The following CACNA2D1 variants were observed in gnomAD, a reference collection of about 807,000 sequenced individuals.
CACNA2D1 encodes the protein voltage-dependent calcium channel subunit alpha-2/delta-1.
Under a neutral mutation model 171.5 loss-of-function variants are expected in CACNA2D1, and 53 were observed. That is an observed-to-expected ratio of 0.31 (90% CI 0.25 to 0.39). The LOEUF (loss-of-function observed/expected upper bound fraction) is 0.39, where lower values mean the gene tolerates loss of function less well. Among genes scored for constraint, CACNA2D1 ranks in the 10% least tolerant of loss-of-function variants. The probability of loss-of-function intolerance (pLI) is 1.00; values close to 1 mark genes in which losing one functional copy is unlikely to be tolerated. For synonymous variants in CACNA2D1, 442 were observed against 443.1 expected, an observed-to-expected ratio of 1.00 and a Z score of 0.03; for missense variants, 903 against 1,299.8, an observed-to-expected ratio of 0.69 and a Z score of 4.69.
chr7:82,149,475 G>T (rs1423097694), intron 4 of CACNA2D1, among the ~76,000 whole-genome samples: 2 of 151,988 alleles, frequency 1.3e-5, no homozygotes, highest in East Asian at 1.9e-4. Flanking sequence ...CCCTGGGGAG[G>T]CTATATAGAA....
chr7:82,398,926 T>C (rs1248313189), intron 1 of CACNA2D1, among the ~76,000 whole-genome samples: 2 of 151,848 alleles, frequency 1.3e-5, no homozygotes, highest in African/African-American at 2.4e-5. Context: ...TTTCCTTCCT[T>C]CCATCCTTCT....
intron 21 of CACNA2D1, among the ~76,000 whole-genome samples, chr7:81,987,907 G>A (rs1290624487): frequency 3.3e-5 from 5 of 152,146 alleles, no homozygotes; most frequent in Non-Finnish European, 7.4e-5. Context: ...TAAACTTGAT[G>A]ATGAAAATGG....
intron 3 of CACNA2D1, among the ~76,000 whole-genome samples, chr7:82,330,730 G>A (rs2129443668): frequency 6.6e-6 from 1 of 152,180 alleles, no homozygotes; most frequent in Non-Finnish European, 1.5e-5. Context: ...ATCATCGAAT[G>A]CTTATTCAGC....
At chr7:82,367,512 A>G (rs1821877347) in intron 1 of CACNA2D1, among the ~76,000 whole-genome samples, 1 of 151,932 alleles carries the variant, frequency 6.6e-6, no homozygotes, top group African/African-American at 2.4e-5. Flanking sequence ...TCAGGTTCCT[A>G]TTGTTTCTTC....
At chr7:82,312,580 G>T (rs1457289668) in intron 3 of CACNA2D1, among the ~76,000 whole-genome samples, 1 of 147,482 alleles carries the variant, frequency 6.8e-6, no homozygotes, top group Non-Finnish European at 1.5e-5. Context: ...GCAGTGGCAC[G>T]ATCTCAGCTA....
chr7:82,097,192 G>A (rs1811992228), intron 6 of CACNA2D1, among the ~76,000 whole-genome samples: 1 of 152,144 alleles, frequency 6.6e-6, no homozygotes, highest in African/African-American at 2.4e-5. Context: ...GTTCAAAACA[G>A]CTGAATGGAT....
intron 5 of CACNA2D1, among the ~76,000 whole-genome samples, chr7:82,124,599 C>A (rs1269632128): frequency 6.6e-6 from 1 of 152,096 alleles, no homozygotes; most frequent in African/African-American, 2.4e-5. Flanking sequence ...ACCAAGTAAG[C>A]AACATGAAAC....
chr7:82,119,216 T>C (rs951166398), intron 5 of CACNA2D1, among the ~76,000 whole-genome samples: 2 of 152,158 alleles, frequency 1.3e-5, no homozygotes, highest in Non-Finnish European at 2.9e-5. Context: ...CTTTTCAAAA[T>C]ATATCTTCTG....
chr7:82,118,653 T>C (rs1326275847), intron 5 of CACNA2D1, among the ~76,000 whole-genome samples: 1 of 152,102 alleles, frequency 6.6e-6, no homozygotes. Flanking sequence ...AAATTACTTC[T>C]GTTTCCTCTG....
intron 3 of CACNA2D1, among the ~76,000 whole-genome samples, chr7:82,284,063 T>A (rs1348954660): frequency 1.3e-5 from 2 of 151,774 alleles, no homozygotes; most frequent in Non-Finnish European, 2.9e-5. Context: ...GGTGTAGTGG[T>A]GTGCACCTGT....
chr7:81,991,208 T>C lies in CACNA2D1; in HGVS notation c.1773A>G (p.Thr591=). 6.5e-7 allele frequency: 1 copy of C among 1,532,616 alleles called. No homozygotes were observed. The highest frequency in any genetic ancestry group is 1.7e-5 in the Admixed American group (1 of 59,892). 94.9% of individuals were successfully genotyped at this position (1,532,616 alleles called of 1,614,324 possible). The change falls in exon 21 of 39, where the codon ACA becomes ACG. Residue 591 remains threonine (T), a synonymous_variant. Transcript: ENST00000356860. The part of the protein sequence containing the change: ...IDKGNRTYTW[T]PVNGTDYSLA... ...ACCTGTAATCTGTGCCATTGACAGGTGTCCATGTGTATGTCCTGTTTCCTT... is the reference window on the plus strand; with the variant it reads ...ACCTGTAATCTGTGCCATTGACAGGCGTCCATGTGTATGTCCTGTTTCCTT...
At chr7:82,127,738 T>G (rs937638620) in intron 5 of CACNA2D1, among the ~76,000 whole-genome samples, 11 of 152,304 alleles carry the variant, frequency 7.2e-5, no homozygotes, top group East Asian at 5.8e-4. Context: ...AGGAATTGTA[T>G]GGTATCATGA....
chr7:82,172,616 C>CTTTTT (rs55737158), intron 3 of CACNA2D1, among the ~76,000 whole-genome samples: 3 of 64,508 alleles, frequency 4.7e-5, no homozygotes, highest in African/African-American at 7.5e-5. Flanking sequence ...AGAAACCCGG[C>CTTTTT]TTTTTTTTTT....
At chr7:81,998,127 T>C (rs867396723) in intron 18 of CACNA2D1, among the ~76,000 whole-genome samples, 3 of 152,122 alleles carry the variant, frequency 2.0e-5, no homozygotes, top group Middle Eastern at 3.4e-3. Flanking sequence ...ATAAACAAAA[T>C]ACAGTCAATT....
chr7:82,079,715 C>T (rs918495826), intron 7 of CACNA2D1, among the ~76,000 whole-genome samples: 6 of 148,548 alleles, frequency 4.0e-5, no homozygotes, highest in East Asian at 3.9e-4. Flanking sequence ...AAAAAGTTGA[C>T]GTCATAGAAC....
At chr7:82,120,904 C>T (rs922110915) in intron 5 of CACNA2D1, among the ~76,000 whole-genome samples, 1 of 143,736 alleles carries the variant, frequency 7.0e-6, no homozygotes, top group Middle Eastern at 3.3e-3. Context: ...AATGTTTAAA[C>T]ATTACTTTAA....
At chr7:82,393,075 A>AAGGAAGGAAGGT (rs1825338438) in intron 1 of CACNA2D1, among the ~76,000 whole-genome samples, 1 of 125,998 alleles carries the variant, frequency 7.9e-6, no homozygotes, top group Non-Finnish European at 1.6e-5. Flanking sequence ...GGAAGGAAGG[A>AAGGAAGGAAGGT]AGGAAGGAAG....
intron 5 of CACNA2D1, among the ~76,000 whole-genome samples, chr7:82,131,312 T>G (rs961285673): frequency 6.6e-6 from 1 of 152,142 alleles, no homozygotes; most frequent in African/African-American, 2.4e-5. Flanking sequence ...AGAAGGCAAA[T>G]GCTACATATG....
chr7:82,121,310 G>T (rs966342576), intron 5 of CACNA2D1, among the ~76,000 whole-genome samples: 1 of 152,126 alleles, frequency 6.6e-6, no homozygotes, highest in African/African-American at 2.4e-5. Flanking sequence ...TCCTGCCTCA[G>T]CCTCCTGAGT....
Sources: allele counts gnomAD v4.1 joint callset (sites outside exome capture counted in the v4.1 genomes callset), GRCh38; gene constraint gnomAD v4.1.1; transcripts MANE v1.5; gene names NCBI Gene and HGNC (gene_info 2026-07-23, HGNC 2026-07-21).